PCDH19: variants seen among roughly 807,000 people sequenced by gnomAD.
The protein encoded by PCDH19 is protocadherin-19.
A neutral mutation model predicts 46.2 loss-of-function variants in PCDH19; 6 were observed. That is an observed-to-expected ratio of 0.13 (90% CI 0.07 to 0.26). PCDH19 has a LOEUF of 0.26. PCDH19 is among the 10% of genes least tolerant of loss of function. The pLI is 1.00. For synonymous variants in PCDH19, 481 were observed against 415.7 expected, an observed-to-expected ratio of 1.16 and a Z score of -1.91; for missense variants, 740 against 972.3, an observed-to-expected ratio of 0.76 and a Z score of 3.18.
At position 100,372,014 on chromosome X, in the gene PCDH19, A is replaced by G. The variant is rs1431412043; in HGVS notation, c.2617-21310T>C. Among the ~76,000 whole-genome samples the G allele has an allele frequency of 2.7e-5, 3 of 111,988 alleles. No individual in the cohort carries two copies. The East Asian group carries it at 8.5e-4, about 32-fold the overall frequency. On this transcript the variant is annotated intron_variant, in intron 3 of 5. Transcript: ENST00000373034. The stretch of plus-strand genomic sequence containing the variant: ...CACACTGGGATGCCAAGGCGGATGG[A>G]TCACTTGAGGTCAGGAGTTCAAGAC...
chrX:100,355,276 A>AT (rs1230716564), intron 3 of PCDH19, among the ~76,000 whole-genome samples: 1 of 111,729 alleles, frequency 9.0e-6, no homozygotes, highest in Non-Finnish European at 1.9e-5. Flanking sequence ...AAAATAGGGT[A>AT]TAAAAAACAT....
At chrX:100,323,501 G>C (rs1385091327) in intron 5 of PCDH19, among the ~76,000 whole-genome samples, 1 of 111,575 alleles carries the variant, frequency 9.0e-6, no homozygotes, top group Non-Finnish European at 1.9e-5. Flanking sequence ...CTTTACAATA[G>C]ATCATTTCAC....
chrX:100,340,347 T>G (rs1179531025), intron 5 of PCDH19, among the ~76,000 whole-genome samples: 1 of 112,281 alleles, frequency 8.9e-6, no homozygotes, highest in Non-Finnish European at 1.9e-5. Context: ...TAGCCAGGCA[T>G]AAAGTGAGAA....
chrX:100,359,709 G>A (rs770354035), intron 3 of PCDH19, among the ~76,000 whole-genome samples: 1 of 111,345 alleles, frequency 9.0e-6, no homozygotes, highest in South Asian at 3.9e-4. Flanking sequence ...GCAACATAGC[G>A]AGAGCCCATC....
rs948753623 is a variant in PCDH19 at position 100,294,400 on chromosome X, A to C, written c.*1877T>G. 1 of 111,228 alleles carries C rather than the reference A, an allele frequency of 9.0e-6. No homozygotes were observed. Among genetic ancestry groups the C allele is most frequent in the African/African-American group, 3.3e-5 (1 of 30,533 alleles). The allele number at this position is 111,228 out of a possible 1,213,427, so 9.2% of individuals were successfully genotyped here. On this transcript the variant is annotated 3_prime_UTR_variant, in exon 6 of 6. Coordinates refer to ENST00000373034, the MANE Select transcript of PCDH19 (RefSeq NM_001184880.2). ...GCTTCATTATAAGTTCTTTTTCAGAAATGTTCTCCCCTACCTAACCCCATC... is the reference window on the plus strand; with the variant it reads ...GCTTCATTATAAGTTCTTTTTCAGACATGTTCTCCCCTACCTAACCCCATC...
chrX:100,330,419 C>T (rs1305593562), intron 5 of PCDH19, among the ~76,000 whole-genome samples: 1 of 112,085 alleles, frequency 8.9e-6, no homozygotes, highest in Non-Finnish European at 1.9e-5. Flanking sequence ...GGTGGAAAAG[C>T]GACCACAGAA....
At chrX:100,340,281 T>C (rs1926215848) in intron 5 of PCDH19, among the ~76,000 whole-genome samples, 1 of 112,068 alleles carries the variant, frequency 8.9e-6, no homozygotes, top group African/African-American at 3.2e-5. Context: ...TAGCTGCAGT[T>C]CCCTGATACT....
intron 4 of PCDH19, among the ~76,000 whole-genome samples, chrX:100,343,960 G>C: frequency 9.0e-6 from 1 of 111,538 alleles, no homozygotes; most frequent in Non-Finnish European, 1.9e-5. Flanking sequence ...TGGATACATT[G>C]TCACCCTCCA....
chrX:100,312,241 CAG>C (rs1175243556), intron 5 of PCDH19, among the ~76,000 whole-genome samples: 1 of 110,992 alleles, frequency 9.0e-6, no homozygotes, highest in Non-Finnish European at 1.9e-5. Flanking sequence ...AGACAAGCAA[CAG>C]AGGAAGAGTG....
At chrX:100,330,791 T>A (rs1156700695) in intron 5 of PCDH19, among the ~76,000 whole-genome samples, 1 of 111,893 alleles carries the variant, frequency 8.9e-6, no homozygotes, top group Non-Finnish European at 1.9e-5. Flanking sequence ...TATTTGCCAT[T>A]AAAATGAGTA....
At chrX:100,310,733 G>A (rs1890290493) in intron 5 of PCDH19, among the ~76,000 whole-genome samples, 1 of 109,212 alleles carries the variant, frequency 9.2e-6, no homozygotes, top group Non-Finnish European at 1.9e-5. Flanking sequence ...CTTCTCTGAA[G>A]AGTTCAAATC....
chrX:100,387,431 G>C (rs1045672898), intron 3 of PCDH19, among the ~76,000 whole-genome samples: 2 of 111,481 alleles, frequency 1.8e-5, no homozygotes, highest in Non-Finnish European at 3.8e-5. Context: ...CTATCATGTT[G>C]AAACAGGATG....
At chrX:100,329,950 G>A (rs1925824197) in intron 5 of PCDH19, among the ~76,000 whole-genome samples, 1 of 111,840 alleles carries the variant, frequency 8.9e-6, no homozygotes, top group Non-Finnish European at 1.9e-5. Context: ...TTTCTGGCTA[G>A]TGATGGTAAT....
At position 100,292,566 on chromosome X, in the gene PCDH19, G is replaced by A. The variant is rs765877973; in HGVS notation, c.*3711C>T. 4 of 112,090 alleles carry A rather than the reference G, an allele frequency of 3.6e-5. No homozygotes were observed. Among genetic ancestry groups the A allele is most frequent in the Non-Finnish European group, 7.5e-5 (4 of 53,167 alleles). 9.2% of individuals were successfully genotyped at this position (112,090 alleles called of 1,213,427 possible). On this transcript the variant is annotated 3_prime_UTR_variant, in exon 6 of 6. Transcript: ENST00000373034. ...CAACTTCATTAGGACAATGTGTTTTGCTCTGGAATATTTCATTATCAATAT... is the reference window on the plus strand; with the variant it reads ...CAACTTCATTAGGACAATGTGTTTTACTCTGGAATATTTCATTATCAATAT...
Position 100,307,046 on chromosome X carries a change from C to A in PCDH19, c.2849-10171G>T, listed in dbSNP as rs1924969761. On this transcript the variant is annotated intron_variant, in intron 5 of 5. Transcript: ENST00000373034. ...AAGAGGGAATCCTCCCTAAATCATT[C>A]TATGAAGCCAGTGTCATCCTAATAC... Among the ~76,000 whole-genome samples, 3 of 111,617 alleles carry A rather than the reference C, an allele frequency of 2.7e-5. No individual in the cohort carries two copies. The South Asian group carries it at 1.1e-3, about 42-fold the overall frequency.
chrX:100,329,569 T>C (rs1396339175), intron 5 of PCDH19, among the ~76,000 whole-genome samples: 2 of 111,991 alleles, frequency 1.8e-5, no homozygotes, highest in Non-Finnish European at 3.8e-5. Context: ...GGAACAGATA[T>C]TTACACGCAG....
rs1428234628 is a variant in PCDH19, at chrX:100,375,186, A to T, written c.2617-24482T>A. On this transcript the variant is annotated intron_variant, in intron 3 of 5. Coordinates refer to ENST00000373034, the MANE Select transcript of PCDH19 (RefSeq NM_001184880.2). ...TGCACAACGTGCAGGTTACATATGT[A>T]TACACGTGCCATGTTGGTGTGCTGC... 7.2e-5 allele frequency among the ~76,000 whole-genome samples: 8 copies of T among 111,822 alleles called. No individual in the cohort carries two copies. The East Asian group carries it at 2.3e-3, about 32-fold the overall frequency.
At chrX:100,399,060 G>C (rs1003343884) in intron 3 of PCDH19, among the ~76,000 whole-genome samples, 6 of 112,060 alleles carry the variant, frequency 5.4e-5, no homozygotes, top group African/African-American at 1.9e-4. Flanking sequence ...TGATCCCCGG[G>C]AAGTAGTACA....
chrX:100,387,768 A>G (rs984869859), intron 3 of PCDH19, among the ~76,000 whole-genome samples: 46 of 112,071 alleles, frequency 4.1e-4, no homozygotes, highest in African/African-American at 1.5e-3. Flanking sequence ...ATTGTTCATA[A>G]CATTTCTCAC....
Sources: allele counts gnomAD v4.1 joint callset (sites outside exome capture counted in the v4.1 genomes callset), GRCh38; gene constraint gnomAD v4.1.1; transcripts MANE v1.5; gene names NCBI Gene and HGNC (gene_info 2026-07-23, HGNC 2026-07-21).